The following SMAD3 variants were observed in gnomAD, a reference collection of about 807,000 sequenced individuals.
SMAD3 encodes the protein SMAD family member 3.
SMAD3 carries 12 observed loss-of-function variants against 51.8 expected under a neutral mutation model. The observed-to-expected ratio is 0.23, with a 90% confidence interval of 0.15 to 0.38. SMAD3 has a LOEUF of 0.38. SMAD3 is among the 10% of genes least tolerant of loss of function. SMAD3 has a pLI of 1.00. For missense variants in SMAD3, 294 were observed against 565.6 expected, an observed-to-expected ratio of 0.52 and a Z score of 4.87; for synonymous variants, 238 against 227.7, an observed-to-expected ratio of 1.05 and a Z score of -0.41.
intron 4 of SMAD3, among the ~76,000 whole-genome samples, chr15:67,167,482 G>A (rs1962624221): frequency 6.6e-6 from 1 of 152,182 alleles, no homozygotes; most frequent in Non-Finnish European, 1.5e-5. Context: ...GCTGCAGGCT[G>A]TAAGCAGGGC....
At position 67,166,774 on chromosome 15, in the gene SMAD3, C is replaced by A; in HGVS notation, c.533-5C>A. The A allele has an allele frequency of 6.3e-7, 1 of 1,584,978 alleles. No homozygotes were observed. Among genetic ancestry groups the A allele is most frequent in the Non-Finnish European group, 8.6e-7 (1 of 1,164,498 alleles). ...TTAACAGACCACCTTCCTTCTGATTCCCAGAGACCCCACCCCCTGGCTACC... is the reference window on the plus strand; with the variant it reads ...TTAACAGACCACCTTCCTTCTGATTACCAGAGACCCCACCCCCTGGCTACC... On this transcript the variant is annotated splice_polypyrimidine_tract_variant and splice_region_variant and intron_variant, in intron 3 of 8. Transcript: ENST00000327367.
intron 1 of SMAD3, among the ~76,000 whole-genome samples, chr15:67,120,049 G>A (rs1457246370): frequency 6.6e-6 from 1 of 152,158 alleles, no homozygotes; most frequent in Non-Finnish European, 1.5e-5. Flanking sequence ...TGCCCACCTT[G>A]GCCTCCCAAA....
intron 1 of SMAD3, among the ~76,000 whole-genome samples, chr15:67,072,790 A>G (rs1046646880): frequency 6.6e-6 from 1 of 152,174 alleles, no homozygotes; most frequent in Non-Finnish European, 1.5e-5. Context: ...CAGTCTTCCC[A>G]TCTTCAAGCA....
In SMAD3 at chr15:67,166,279, C is replaced by G. The variant is rs917194460; in HGVS notation, c.533-500C>G. The G allele has an allele frequency of 3.2e-5, 18 of 557,678 alleles. No individual in the cohort carries two copies. In the African/African-American group the frequency reaches 3.6e-4, roughly 11 times the overall value. 34.5% of individuals were successfully genotyped at this position (557,678 alleles called of 1,614,324 possible). ...GGAGGTTTCAGAGAAATAGATCACA[C>G]TGTCTTTGCCGTCATTGAACTTGCA... is the stretch of plus-strand genomic sequence containing the variant. On this transcript the variant is annotated intron_variant, in intron 3 of 8. Coordinates refer to ENST00000327367, the MANE Select transcript of SMAD3 (RefSeq NM_005902.4).
At chr15:67,160,023 G>C (rs377399367) in intron 1 of SMAD3, among the ~76,000 whole-genome samples, 59 of 152,168 alleles carry the variant, frequency 3.9e-4, no homozygotes, top group African/African-American at 1.4e-3. Context: ...GAAGTGGAAT[G>C]GTGGATCATA....
chr15:67,167,651 G>A (rs1962627280), intron 4 of SMAD3, among the ~76,000 whole-genome samples: 2 of 152,192 alleles, frequency 1.3e-5, no homozygotes, highest in South Asian at 4.1e-4. Context: ...ACAACCACAT[G>A]TGATGTGTGT....
chr15:67,169,881 G>A lies in SMAD3; in HGVS notation c.608-673G>A, dbSNP rs937905716. On this transcript the variant is annotated intron_variant, in intron 4 of 8. Coordinates refer to ENST00000327367, the MANE Select transcript of SMAD3 (RefSeq NM_005902.4). ...CCATGTGAGTTCTTTTTTTCTGGAG[G>A]TGAGAGGTGTAGAGAACATAATAGA... is the stretch of plus-strand genomic sequence containing the variant. Among the ~76,000 whole-genome samples the A allele has an allele frequency of 2.6e-5, 4 of 152,274 alleles. No homozygotes were observed. The East Asian group carries it at 7.7e-4, about 29-fold the overall frequency.
intron 1 of SMAD3, among the ~76,000 whole-genome samples, chr15:67,151,505 G>T (rs1035085524): frequency 2.8e-4 from 42 of 152,008 alleles, no homozygotes; most frequent in African/African-American, 9.9e-4. Context: ...GCTAATTTTT[G>T]TATTTTTAGT....
chr15:67,114,083 G>A (rs1961083005), intron 1 of SMAD3, among the ~76,000 whole-genome samples: 2 of 152,176 alleles, frequency 1.3e-5, no homozygotes, highest in African/African-American at 4.8e-5. Context: ...TGCTGGCTAA[G>A]CAGTGGAAAC....
At chr15:67,170,658 G>A (rs755695465) in intron 5 of SMAD3, 54 bp downstream of exon 5, 148 of 1,532,616 alleles carry the variant, frequency 9.7e-5, no homozygotes, top group Non-Finnish European at 1.2e-4. Flanking sequence ...CAGCCCTGGC[G>A]AGTCGCCAGT....
chr15:67,191,616 C>G lies in SMAD3; in HGVS notation c.*1080C>G, dbSNP rs528490702. ...CCCAGCAACTGCTTCTCTCCCTTCT[C>G]TCTCCTGAGGTGAAGCTTTTCCAGG... On this transcript the variant is annotated 3_prime_UTR_variant, in exon 9 of 9. Coordinates refer to ENST00000327367, the MANE Select transcript of SMAD3 (RefSeq NM_005902.4). 4.3e-6 allele frequency: 1 copy of G among 233,288 alleles called. No individual in the cohort carries two copies. Among genetic ancestry groups the G allele is most frequent in the South Asian group, 1.8e-4 (1 of 5,528 alleles). 14.5% of individuals were successfully genotyped at this position (233,288 alleles called of 1,614,324 possible). A position where few individuals can be genotyped will look rare whatever the true frequency, so the allele number is the denominator to read the frequency against.
chr15:67,159,808 C>T (rs1256990701), intron 1 of SMAD3, among the ~76,000 whole-genome samples: 2 of 152,232 alleles, frequency 1.3e-5, no homozygotes, highest in African/African-American at 2.4e-5. Context: ...GCTTCTTTCA[C>T]GCAGCATCAT....
intron 5 of SMAD3, among the ~76,000 whole-genome samples, chr15:67,178,264 T>C (rs1322070457): frequency 6.6e-6 from 1 of 152,164 alleles, no homozygotes; most frequent in Non-Finnish European, 1.5e-5. Context: ...ACACAATGGG[T>C]GGCCTGCCAG....
chr15:67,189,654 A>G (rs1335322109), intron 8 of SMAD3, among the ~76,000 whole-genome samples: 1 of 152,188 alleles, frequency 6.6e-6, no homozygotes, highest in Non-Finnish European at 1.5e-5. Flanking sequence ...AGCAGGGCCC[A>G]GGGCCCACAC....
intron 1 of SMAD3, among the ~76,000 whole-genome samples, chr15:67,145,772 G>A (rs189106150): frequency 1.7e-3 from 252 of 152,328 alleles, no homozygotes; most frequent in African/African-American, 5.8e-3. Flanking sequence ...GGCCCAGGTG[G>A]TAAGGAGAGG....
chr15:67,140,285 T>C (rs1961784041), intron 1 of SMAD3, among the ~76,000 whole-genome samples: 1 of 152,236 alleles, frequency 6.6e-6, no homozygotes, highest in Admixed American at 6.5e-5. Context: ...TCTTCCTTCC[T>C]AGTCCCCACT....
chr15:67,129,299 G>T (rs1961466856), intron 1 of SMAD3, among the ~76,000 whole-genome samples: 1 of 152,198 alleles, frequency 6.6e-6, no homozygotes, highest in Admixed American at 6.5e-5. Flanking sequence ...AGTGTTGCCG[G>T]ATATCACTGT....
intron 1 of SMAD3, among the ~76,000 whole-genome samples, chr15:67,120,040 G>A (rs899252022): frequency 3.9e-5 from 6 of 152,188 alleles, no homozygotes; most frequent in Non-Finnish European, 8.8e-5. Flanking sequence ...CAAGCGATCT[G>A]CCCACCTTGG....
chr15:67,106,662 G>A (rs929435649), intron 1 of SMAD3, among the ~76,000 whole-genome samples: 3 of 152,078 alleles, frequency 2.0e-5, no homozygotes, highest in African/African-American at 4.8e-5. Flanking sequence ...ATTTACAGGC[G>A]TACATCATAT....
Sources: gnomAD v4.1 joint callset for allele counts (sites outside exome capture counted in the v4.1 genomes callset) on GRCh38, gnomAD v4.1.1 for gene constraint, MANE v1.5 for transcripts, NCBI Gene and HGNC (gene_info 2026-07-23, HGNC 2026-07-21) for gene names.